Variants in RFX3 observed in about 807,000 individuals in gnomAD.
RFX3 encodes transcription factor RFX3.
RFX3 carries 14 observed loss-of-function variants against 98.6 expected under a neutral mutation model. The ratio of observed to expected loss-of-function variants is 0.14; its 90% confidence interval spans 0.09 to 0.22. RFX3 has a LOEUF of 0.22. RFX3 is among the 10% of genes least tolerant of loss of function. The pLI, the probability that RFX3 is intolerant of heterozygous loss-of-function variation, is 1.00. For synonymous variants in RFX3, 383 were observed against 328.4 expected (o/e 1.17, Z -1.80); for missense variants, 639 against 926.9 (o/e 0.69, Z 4.03).
chr9:3,399,582 T>C (rs1259558090), intron 1 of RFX3, among the ~76,000 whole-genome samples: 1 of 152,194 alleles, frequency 6.6e-6, no homozygotes, highest in Non-Finnish European at 1.5e-5. Flanking sequence ...ATGGCCTCTA[T>C]AGGCATTTGA....
At chr9:3,455,962 A>C (rs987548885) in intron 1 of RFX3, among the ~76,000 whole-genome samples, 2 of 152,238 alleles carry the variant, frequency 1.3e-5, no homozygotes, top group Middle Eastern at 3.2e-3. Flanking sequence ...AAAAACTTAT[A>C]TCTGACAATC....
chr9:3,373,668 G>T (rs575804249), intron 2 of RFX3, among the ~76,000 whole-genome samples: 142 of 152,186 alleles, frequency 9.3e-4, no homozygotes, highest in Non-Finnish European at 1.5e-3. Flanking sequence ...TGAAGTTCTG[G>T]GAAGATCAAT....
chr9:3,505,433 A>AGTACTTTATTTT (rs1816968309), intron 1 of RFX3, among the ~76,000 whole-genome samples: 1 of 59,200 alleles, frequency 1.7e-5, no homozygotes, highest in African/African-American at 5.6e-5. Context: ...TATAAAATAA[A>AGTACTTTATTTT]ATATTTTATA....
intron 13 of RFX3, among the ~76,000 whole-genome samples, chr9:3,261,937 T>G (rs1156902321): frequency 6.6e-6 from 1 of 152,188 alleles, no homozygotes; most frequent in African/African-American, 2.4e-5. Context: ...TATTGGCCAT[T>G]TGTATGTTTT....
At chr9:3,312,669 G>A (rs1484759217) in intron 4 of RFX3, among the ~76,000 whole-genome samples, 1 of 151,978 alleles carries the variant, frequency 6.6e-6, no homozygotes, top group African/African-American at 2.4e-5. Context: ...GCAGAAGACG[G>A]GTGATTTCTG....
intron 4 of RFX3, among the ~76,000 whole-genome samples, chr9:3,322,252 T>A (rs1245881144): frequency 6.6e-6 from 1 of 152,194 alleles, no homozygotes; most frequent in African/African-American, 2.4e-5. Context: ...GAATATGGTA[T>A]GCCTTTCCAG....
chr9:3,347,619 T>A (rs1392984150), intron 2 of RFX3, among the ~76,000 whole-genome samples: 1 of 151,442 alleles, frequency 6.6e-6, no homozygotes, highest in East Asian at 1.9e-4. Flanking sequence ...AGGTCAGGAG[T>A]TCAAGACCAG....
In RFX3 at chr9:3,504,959, A is replaced by ATATATATCT. The variant is rs1564186052; in HGVS notation, c.-9+20787_-9+20788insAGATATATA. On this transcript the variant is annotated intron_variant, in intron 1 of 16. Transcript: ENST00000617270. ...TAATATATATAATATAATATATATT[A>ATATATATCT]TATATAATATATATTATATAATATA... Among the ~76,000 whole-genome samples, 126 of 59,596 alleles carry ATATATATCT rather than the reference A, an allele frequency of 2.1e-3. 2 individuals carry two copies. Among genetic ancestry groups the ATATATATCT allele is most frequent in the African/African-American group, 0.012 (119 of 9,780 alleles). The allele number at this position is 59,596 out of a possible 152,430, so 39.1% of individuals were successfully genotyped here. A position where few individuals can be genotyped will look rare whatever the true frequency, so the allele number is the denominator to read the frequency against.
rs927410033 is a variant in RFX3 at position 3,239,848 on chromosome 9, A to G, written c.1968+8184T>C. On this transcript the variant is annotated intron_variant, in intron 15 of 16. Transcript: ENST00000617270. ...AGCCTGTGCTTCCCTCCCTCCTCCC[A>G]TACCACCTCTTCTTATCTGAGACCC... 7.9e-5 allele frequency among the ~76,000 whole-genome samples: 12 copies of G among 152,062 alleles called. 1 individual carries two copies. Among genetic ancestry groups the G allele is most frequent in the Non-Finnish European group, 4.4e-5 (3 of 67,996 alleles).
Position 3,349,098 on chromosome 9 carries a change from C to A in RFX3, c.118-2334G>T, listed in dbSNP as rs1263873418. Among the ~76,000 whole-genome samples the A allele has an allele frequency of 2.0e-5, 3 of 151,988 alleles. No individual in the cohort carries two copies. In the East Asian group the frequency reaches 5.8e-4, roughly 29 times the overall value. On this transcript the variant is annotated intron_variant, in intron 2 of 16. Coordinates refer to ENST00000617270, the MANE Select transcript of RFX3 (RefSeq NM_001282116.2). ...TTTTTTGAAGGATAAAAATACATAT[C>A]ATAAATTCATAGTAATTTTTTCATT...
At chr9:3,323,976 AT>A in intron 4 of RFX3, 1 of 419,518 alleles carries the variant, frequency 2.4e-6, no homozygotes, top group Non-Finnish European at 5.2e-6. Context: ...TCAAAGTCCC[AT>A]TTTATTAAAT....
intron 2 of RFX3, among the ~76,000 whole-genome samples, chr9:3,370,087 C>T (rs1460911169): frequency 2.0e-5 from 3 of 150,748 alleles, no homozygotes; most frequent in East Asian, 3.9e-4. Context: ...GTGATCCGCC[C>T]GCCTCGGCCT....
intron 1 of RFX3, among the ~76,000 whole-genome samples, chr9:3,448,954 A>C (rs1846309816): frequency 6.6e-6 from 1 of 152,122 alleles, no homozygotes; most frequent in South Asian, 2.1e-4. Flanking sequence ...AAGAATTTGC[A>C]CCTATGCTAC....
chr9:3,408,492 G>A (rs1842161180), intron 1 of RFX3, among the ~76,000 whole-genome samples: 1 of 152,032 alleles, frequency 6.6e-6, no homozygotes, highest in Non-Finnish European at 1.5e-5. Flanking sequence ...CGGTCAAGCA[G>A]AGGAAAGCAA....
Position 3,231,450 on chromosome 9 carries a change from G to A in RFX3, c.1969-2561C>T, listed in dbSNP as rs147520518. 6.1e-3 allele frequency among the ~76,000 whole-genome samples: 934 copies of A among 152,216 alleles called. 3 individuals carry two copies. The highest frequency in any genetic ancestry group is 1.0e-2 in the Non-Finnish European group (679 of 68,016). ...TTTATTGAGGATTTACTACTTGCCA[G>A]GCACTATGCCAGCCAATTCTAGTCA... On this transcript the variant is annotated intron_variant, in intron 15 of 16. Coordinates refer to ENST00000617270, the MANE Select transcript of RFX3 (RefSeq NM_001282116.2).
At chr9:3,394,474 A>G (rs1174380000) in intron 2 of RFX3, among the ~76,000 whole-genome samples, 2 of 152,202 alleles carry the variant, frequency 1.3e-5, no homozygotes, top group Admixed American at 6.5e-5. Context: ...AAAACAAAAC[A>G]AAACAAACAC....
At chr9:3,445,068 A>C (rs770217529) in intron 1 of RFX3, among the ~76,000 whole-genome samples, 3 of 152,218 alleles carry the variant, frequency 2.0e-5, no homozygotes, top group African/African-American at 7.2e-5. Context: ...AAAGCCATCA[A>C]TACCCAACAT....
At position 3,454,808 on chromosome 9, in the gene RFX3, A is replaced by T. The variant is rs145191512; in HGVS notation, c.-8-59212T>A. ...AAGCCATTCACATGTGTATCAAATCATCTAATCTCAACAAAACCTATGAGA... is the reference window on the plus strand; with the variant it reads ...AAGCCATTCACATGTGTATCAAATCTTCTAATCTCAACAAAACCTATGAGA... On this transcript the variant is annotated intron_variant, in intron 1 of 16. Coordinates refer to ENST00000617270, the MANE Select transcript of RFX3 (RefSeq NM_001282116.2). Among the ~76,000 whole-genome samples, 912 of 152,288 alleles carry T rather than the reference A, an allele frequency of 6.0e-3. 8 individuals are homozygous for T. Among genetic ancestry groups the T allele is most frequent in the African/African-American group, 0.021 (875 of 41,554 alleles).
At chr9:3,469,219 A>C (rs900056953) in intron 1 of RFX3, 1 of 455,242 alleles carries the variant, frequency 2.2e-6, no homozygotes, top group African/African-American at 2.0e-5. Flanking sequence ...GAAAATGCAT[A>C]CTGAATTTGT....
Sources: gnomAD v4.1 joint callset for allele counts (sites outside exome capture counted in the v4.1 genomes callset) on GRCh38, gnomAD v4.1.1 for gene constraint, MANE v1.5 for transcripts, NCBI Gene and HGNC (gene_info 2026-07-23, HGNC 2026-07-21) for gene names.